Variants in TCF4 observed in about 807,000 individuals in gnomAD.
TCF4 encodes transcription factor 4.
A neutral mutation model predicts 82.1 loss-of-function variants in TCF4; 3 were observed. The ratio of observed to expected loss-of-function variants is 0.04; its 90% CI spans 0.02 to 0.09. The LOEUF (loss-of-function observed/expected upper bound fraction) is 0.09, where lower values mean the gene tolerates loss of function less well. TCF4 is among the 10% of genes least tolerant of loss of function. The pLI is 1.00. For synonymous variants in TCF4, 276 were observed against 309.6 expected (o/e 0.89, Z 1.14); for missense variants, 518 against 852.7 (o/e 0.61, Z 4.89).
chr18:55,304,931 CA>C (rs1216568785), intron 8 of TCF4, among the ~76,000 whole-genome samples: 2 of 152,054 alleles, frequency 1.3e-5, no homozygotes, highest in Non-Finnish European at 2.9e-5. Flanking sequence ...CCAATAATTG[CA>C]TATTTGGTGG....
At chr18:55,320,359 G>A (rs935944678) in intron 8 of TCF4, among the ~76,000 whole-genome samples, 2 of 152,040 alleles carry the variant, frequency 1.3e-5, no homozygotes, top group East Asian at 1.9e-4. Context: ...ATAGGATAGC[G>A]CTATGAACTT....
At chr18:55,554,156 C>T (rs1356392963) in intron 3 of TCF4, among the ~76,000 whole-genome samples, 3 of 152,034 alleles carry the variant, frequency 2.0e-5, no homozygotes, top group African/African-American at 7.2e-5. Flanking sequence ...CCTAATTCTA[C>T]TTTTAAAGGA....
chr18:55,426,136 T>C (rs77540208), intron 5 of TCF4, among the ~76,000 whole-genome samples: 64,677 of 140,580 alleles, frequency 0.46, 16,128 homozygotes, highest in South Asian at 0.61. Flanking sequence ...CACACACACA[T>C]ATATTTTCAT....
At chr18:55,622,026 ATATAT>A (rs1270893564) in intron 2 of TCF4, among the ~76,000 whole-genome samples, 3 of 135,170 alleles carry the variant, frequency 2.2e-5, no homozygotes, top group African/African-American at 8.3e-5. Context: ...TATATACACT[ATATAT>A]TATATATACA....
intron 6 of TCF4, chr18:55,383,947 C>T (rs180755695): frequency 2.0e-5 from 3 of 152,344 alleles, no homozygotes; most frequent in Admixed American, 2.0e-4. Context: ...CTCAGATGAA[C>T]TGAAACCCCA....
At chr18:55,456,319 C>G (rs1021404395) in intron 5 of TCF4, among the ~76,000 whole-genome samples, 1 of 152,110 alleles carries the variant, frequency 6.6e-6, no homozygotes, top group East Asian at 1.9e-4. Flanking sequence ...ACCCAGCTAC[C>G]CTATGGCGGT....
At chr18:55,509,723 G>A (rs1391592934) in intron 3 of TCF4, among the ~76,000 whole-genome samples, 1 of 152,110 alleles carries the variant, frequency 6.6e-6, no homozygotes, top group African/African-American at 2.4e-5. Flanking sequence ...TTATTGAGAA[G>A]CACCTTTAGA....
upstream of TCF4, chr18:55,589,941 CTCCTCCGGGAGCG>C: frequency 1.6e-6 from 1 of 620,794 alleles, no homozygotes; most frequent in Non-Finnish European, 2.0e-6. Flanking sequence ...TCGACCACGC[CTCCTCCGGGAGCG>C]GAGGCGGGTG....
intron 3 of TCF4, among the ~76,000 whole-genome samples, chr18:55,538,750 T>C (rs565316721): frequency 4.6e-5 from 7 of 152,244 alleles, no homozygotes. Context: ...AACACAAAGA[T>C]GAACACCAAA....
chr18:55,370,198 A>G (rs533037134), intron 6 of TCF4, among the ~76,000 whole-genome samples: 1 of 152,312 alleles, frequency 6.6e-6, no homozygotes, highest in East Asian at 1.9e-4. Context: ...AGGAGTTTGA[A>G]AGCAGCCTAA....
At chr18:55,520,100 C>T (rs1477463592) in intron 3 of TCF4, among the ~76,000 whole-genome samples, 6 of 152,058 alleles carry the variant, frequency 3.9e-5, no homozygotes, top group Admixed American at 3.9e-4. Context: ...ATTAAGCTAC[C>T]TAAAATGAAT....
rs974274781 is a variant in TCF4, at chr18:55,227,265, A to G, written c.*770T>C. Reference sequence around the variant, plus strand: ...AATAAGACCAAAAAAAAAAAAATCCATATTTACAGTAAAATCTTTCTTTTA... The same window carrying G: ...AATAAGACCAAAAAAAAAAAAATCCGTATTTACAGTAAAATCTTTCTTTTA... On this transcript the variant is annotated 3_prime_UTR_variant, in exon 20 of 20. Coordinates refer to ENST00000354452, the MANE Select transcript of TCF4 (RefSeq NM_001083962.2). The G allele has an allele frequency of 6.6e-6, 1 of 151,048 alleles. No individual in the cohort carries two copies. Among genetic ancestry groups the G allele is most frequent in the Non-Finnish European group, 1.5e-5 (1 of 67,668 alleles). 9.4% of individuals were successfully genotyped at this position (151,048 alleles called of 1,614,324 possible). A position where few individuals can be genotyped will look rare whatever the true frequency, so the allele number is the denominator to read the frequency against.
chr18:55,363,123 CATG>C (rs2085908968), intron 6 of TCF4, among the ~76,000 whole-genome samples: 3 of 151,876 alleles, frequency 2.0e-5, no homozygotes, highest in African/African-American at 7.3e-5. Flanking sequence ...AATATTAATG[CATG>C]ATAATAGTTA....
rs879662082 is a variant in TCF4, at chr18:55,301,814, T to TG, written c.550-22159dup. Among the ~76,000 whole-genome samples the TG allele has an allele frequency of 1.3e-3, 96 of 74,824 alleles. 1 individual carries two copies. The highest frequency in any genetic ancestry group is 0.011 in the South Asian group (23 of 2,074). 49.1% of individuals were successfully genotyped at this position (74,824 alleles called of 152,430 possible). On this transcript the variant is annotated intron_variant, in intron 8 of 19. Coordinates refer to ENST00000354452, the MANE Select transcript of TCF4 (RefSeq NM_001083962.2). ...AAAAAAAAAAAAAAAAAAAAAAAAG[T>TG]GGGGGGGGATTCGGGTGGGGGAGAG...
intron 1 of TCF4, among the ~76,000 whole-genome samples, chr18:55,632,263 C>T (rs895875385): frequency 1.3e-5 from 2 of 152,210 alleles, no homozygotes; most frequent in African/African-American, 4.8e-5. Context: ...CGGTCTCCAT[C>T]TCCTGACCTC....
intron 3 of TCF4, among the ~76,000 whole-genome samples, chr18:55,577,183 A>ATACATTTATATATTTATAT (rs1603624176): frequency 7.0e-6 from 1 of 142,802 alleles, no homozygotes; most frequent in African/African-American, 2.5e-5. Flanking sequence ...TATATTTATA[A>ATACATTTATATATTTATAT]ATGTATATAT....
At chr18:55,413,653 A>G (rs1361567776) in intron 5 of TCF4, among the ~76,000 whole-genome samples, 5 of 152,142 alleles carry the variant, frequency 3.3e-5, no homozygotes, top group Non-Finnish European at 7.3e-5. Context: ...GCATGACTCA[A>G]TCAAGAGAGG....
chr18:55,336,161 T>C (rs1322327163), intron 8 of TCF4, among the ~76,000 whole-genome samples: 2 of 151,934 alleles, frequency 1.3e-5, no homozygotes, highest in African/African-American at 4.8e-5. Context: ...TCAATTCTAA[T>C]AAAAAAAATC....
chr18:55,334,653 A>AG (rs969700201), intron 8 of TCF4, among the ~76,000 whole-genome samples: 3 of 152,214 alleles, frequency 2.0e-5, no homozygotes, highest in African/African-American at 7.2e-5. Flanking sequence ...AAGTGATACC[A>AG]GTAATTTGGG....
Sources: gnomAD v4.1 joint callset for allele counts (sites outside exome capture counted in the v4.1 genomes callset) on GRCh38, gnomAD v4.1.1 for gene constraint, MANE v1.5 for transcripts, NCBI Gene and HGNC (gene_info 2026-07-23, HGNC 2026-07-21) for gene names.